The following FANCD2OS variants were observed in gnomAD, a reference collection of about 807,000 sequenced individuals.
FANCD2OS encodes the protein FANCD2 opposite strand.
FANCD2OS carries 11 observed loss-of-function variants against 13.2 expected under a neutral mutation model. The ratio of observed to expected loss-of-function variants is 0.83; its 90% confidence interval spans 0.52 to 1.38. The LOEUF is 1.38. Among genes scored for constraint, FANCD2OS ranks in the 40% most tolerant of loss-of-function variants. The pLI is 0.00. For missense variants in FANCD2OS, 217 were observed against 213.9 expected, an observed-to-expected ratio of 1.01 and a Z score of -0.09; for synonymous variants, 69 against 84.5, an observed-to-expected ratio of 0.82 and a Z score of 1.01.
chr3:10,105,965 C>T (rs972739738), intron 1 of FANCD2OS, among the ~76,000 whole-genome samples: 1 of 151,370 alleles, frequency 6.6e-6, no homozygotes, highest in African/African-American at 2.4e-5. Flanking sequence ...TATATAAGCC[C>T]TCTTGCATTG....
intron 2 of FANCD2OS, chr3:10,087,280 CCTT>C: frequency 7.9e-7 from 1 of 1,272,488 alleles, no homozygotes; most frequent in Non-Finnish European, 1.1e-6. Context: ...GGGCCTAGAT[CCTT>C]TTTTTTTTTT....
At chr3:10,101,455 G>T, downstream of FANCD2OS, 1 of 538,662 alleles carries the variant, frequency 1.9e-6, no homozygotes, top group Non-Finnish European at 3.3e-6. Flanking sequence ...CTGCAATCTT[G>T]GCTCACTGCA....
chr3:10,095,742 G>T (rs1694915336), intron 2 of FANCD2OS, among the ~76,000 whole-genome samples: 1 of 152,174 alleles, frequency 6.6e-6, no homozygotes, highest in African/African-American at 2.4e-5. Context: ...TAGTTAATGA[G>T]GTATTGTCAC....
Position 10,087,204 on chromosome 3 carries a change from A to G in FANCD2OS, c.*44-5673T>C, listed in dbSNP as rs369405673. On this transcript the variant is annotated intron_variant, in intron 2 of 2. Transcript: ENST00000524279. ...TTTCCAGTGTGCTCTTTATCTCATC[A>G]GACTTTTGATGGTTATTTTGGAGAA... The G allele has an allele frequency of 8.7e-6, 14 of 1,613,528 alleles. No homozygotes were observed. The highest frequency in any genetic ancestry group is 1.0e-5 in the Non-Finnish European group (12 of 1,179,920).
downstream of FANCD2OS, among the ~76,000 whole-genome samples, chr3:10,102,504 A>T (rs568502661): frequency 1.3e-5 from 2 of 152,006 alleles, no homozygotes; most frequent in African/African-American, 4.8e-5. Context: ...TGCTTTTAAA[A>T]TTTTTTTGAT....
At chr3:10,096,236 G>A (rs1274235130) in intron 2 of FANCD2OS, 1 of 1,380,652 alleles carries the variant, frequency 7.2e-7, no homozygotes, top group East Asian at 2.3e-5. Context: ...CAGGGCTTGT[G>A]TTCTTATTCA....
At chr3:10,092,544 T>A (rs1694702066) in intron 2 of FANCD2OS, among the ~76,000 whole-genome samples, 1 of 151,874 alleles carries the variant, frequency 6.6e-6, no homozygotes, top group African/African-American at 2.4e-5. Context: ...TCCTCTATGA[T>A]CTGAGCGCAC....
At chr3:10,089,583 C>T (rs1694459536) in intron 2 of FANCD2OS, among the ~76,000 whole-genome samples, 1 of 152,104 alleles carries the variant, frequency 6.6e-6, no homozygotes, top group African/African-American at 2.4e-5. Flanking sequence ...GATTCTCCTA[C>T]CCCAGCCTTT....
At chr3:10,085,559 T>G (rs1302073232) in intron 2 of FANCD2OS, among the ~76,000 whole-genome samples, 1 of 152,000 alleles carries the variant, frequency 6.6e-6, no homozygotes, top group African/African-American at 2.4e-5. Context: ...ACCCAGCTAA[T>G]TTTTGTATTT....
chr3:10,093,024 G>T (rs1281276148), intron 2 of FANCD2OS, among the ~76,000 whole-genome samples: 1 of 152,066 alleles, frequency 6.6e-6, no homozygotes, highest in Non-Finnish European at 1.5e-5. Flanking sequence ...TCAGATCAAG[G>T]TTTTGGACCT....
intron 2 of FANCD2OS, chr3:10,085,768 T>G: frequency 1.6e-6 from 2 of 1,273,004 alleles, no homozygotes; most frequent in Non-Finnish European, 2.3e-6. Context: ...ATCCAAGTAG[T>G]TTTCCAGAAA....
chr3:10,090,754 G>A lies in FANCD2OS; in HGVS notation c.*44-9223C>T, dbSNP rs1269032744. On this transcript the variant is annotated intron_variant, in intron 2 of 2. Transcript: ENST00000524279. ...ATTACAGACGTGCGCCACTGCGCCC[G>A]GTGGTAGTTGCTGATTCTTCTATGT... 3.3e-5 allele frequency among the ~76,000 whole-genome samples: 5 copies of A among 152,172 alleles called. No homozygotes were observed. The South Asian group carries it at 6.2e-4, about 19-fold the overall frequency.
downstream of FANCD2OS, chr3:10,099,765 A>C (rs1173305174): frequency 6.6e-6 from 1 of 152,254 alleles, no homozygotes; most frequent in East Asian, 1.9e-4. Context: ...CTCAACAACA[A>C]CAAAAAAGTG....
intron 2 of FANCD2OS, among the ~76,000 whole-genome samples, chr3:10,083,926 T>C (rs1482301764): frequency 1.3e-5 from 2 of 149,602 alleles, no homozygotes; most frequent in African/African-American, 2.5e-5. Context: ...CACCAGGGTC[T>C]GGTACAGGAA....
rs759516610 is a variant in FANCD2OS, at chr3:10,081,449, A to C, written c.*126T>G. ...TATCAGAGGCTGCTGCAGATTTTTC[A>C]TGGGCTTTTTGCTTGGTAAGTATGT... On this transcript the variant is annotated 3_prime_UTR_variant, in exon 3 of 3. Coordinates refer to the FANCD2OS transcript ENST00000524279. The C allele has an allele frequency of 6.2e-7, 1 of 1,612,856 alleles. No individual in the cohort carries two copies. Among genetic ancestry groups the C allele is most frequent in the Non-Finnish European group, 8.5e-7 (1 of 1,178,942 alleles).
intron 2 of FANCD2OS, among the ~76,000 whole-genome samples, chr3:10,091,438 C>T (rs1036454107): frequency 1.3e-5 from 2 of 149,520 alleles, no homozygotes; most frequent in African/African-American, 2.5e-5. Flanking sequence ...CACCACTGCA[C>T]TCCAACCTGG....
intron 2 of FANCD2OS, among the ~76,000 whole-genome samples, chr3:10,096,912 C>T (rs981774066): frequency 4.6e-5 from 7 of 152,076 alleles, no homozygotes; most frequent in African/African-American, 1.4e-4. Flanking sequence ...CCGATAATCA[C>T]GTAGGTTCTT....
Position 10,104,216 on chromosome 3 carries a change from T to G in FANCD2OS, c.*25A>C. 6.4e-7 allele frequency: 1 copy of G among 1,573,464 alleles called. No individual in the cohort carries two copies. The highest frequency in any genetic ancestry group is 1.4e-5 in the African/African-American group (1 of 73,836). On this transcript the variant is annotated 3_prime_UTR_variant, in exon 2 of 2. Coordinates refer to ENST00000450660, the MANE Select transcript of FANCD2OS (RefSeq NM_001164839.2). Reference sequence around the variant, plus strand: ...TACATACCAAAGGGCATGGTGTGAGTAAATGGGGATCAAATGAGGACCCTT... The same window carrying G: ...TACATACCAAAGGGCATGGTGTGAGGAAATGGGGATCAAATGAGGACCCTT...
At chr3:10,102,122 ACTTGAT>A (rs1332192812), downstream of FANCD2OS, among the ~76,000 whole-genome samples, 1 of 150,184 alleles carries the variant, frequency 6.7e-6, no homozygotes, top group Non-Finnish European at 1.5e-5. Flanking sequence ...TGGAGGATTG[ACTTGAT>A]CTTGATCTTC....
Sources: allele counts gnomAD v4.1 joint callset (sites outside exome capture counted in the v4.1 genomes callset), GRCh38; gene constraint gnomAD v4.1.1; transcripts MANE v1.5; gene names NCBI Gene and HGNC (gene_info 2026-07-23, HGNC 2026-07-21).